Variants in SYK observed in about 807,000 individuals in gnomAD.
SYK encodes spleen associated tyrosine kinase, also known as tyrosine-protein kinase SYK.
SYK carries 16 observed loss-of-function variants against 77.8 expected under a neutral mutation model. The observed-to-expected ratio is 0.21, with a 90% confidence interval of 0.14 to 0.31. SYK has a LOEUF of 0.31. SYK is among the 10% of genes least tolerant of loss of function. SYK has a pLI of 1.00. For synonymous variants in SYK, 312 were observed against 308.7 expected, an observed-to-expected ratio of 1.01 and a Z score of -0.11; for missense variants, 529 against 814.4, an observed-to-expected ratio of 0.65 and a Z score of 4.26.
intron 1 of SYK, among the ~76,000 whole-genome samples, chr9:90,829,976 G>A (rs1291196768): frequency 6.6e-6 from 1 of 152,188 alleles, no homozygotes; most frequent in Non-Finnish European, 1.5e-5. Flanking sequence ...AAGTTCTGAA[G>A]GCACAGCAAG....
chr9:90,849,477 A>T (rs1826734278), intron 3 of SYK, among the ~76,000 whole-genome samples: 1 of 152,130 alleles, frequency 6.6e-6, no homozygotes, highest in African/African-American at 2.4e-5. Flanking sequence ...CCACTTCCTG[A>T]CATGTAGTAA....
rs1180450887 is a variant in SYK, at chr9:90,898,498, T to C, written c.*2898T>C. 1 of 215,054 alleles carries C rather than the reference T, an allele frequency of 4.6e-6. No individual in the cohort carries two copies. Among genetic ancestry groups the C allele is most frequent in the African/African-American group, 2.3e-5 (1 of 44,306 alleles). 13.3% of individuals were successfully genotyped at this position (215,054 alleles called of 1,614,324 possible). On this transcript the variant is annotated 3_prime_UTR_variant, in exon 14 of 14. Coordinates refer to ENST00000375754, the MANE Select transcript of SYK (RefSeq NM_003177.7). Reference sequence around the variant, plus strand: ...CATTCATTTCAGAAGAGCTACATTGTGTCACTGGACATTTTTAAAAACTGT... The same window carrying C: ...CATTCATTTCAGAAGAGCTACATTGCGTCACTGGACATTTTTAAAAACTGT...
chr9:90,870,140 CATACTT>C (rs1827674120), intron 7 of SYK, among the ~76,000 whole-genome samples: 1 of 152,106 alleles, frequency 6.6e-6, no homozygotes, highest in Non-Finnish European at 1.5e-5. Context: ...AAATTAGTAA[CATACTT>C]ATAAAGTATA....
chr9:90,801,710 G>C (rs2562397), upstream of SYK: 61,739 of 151,704 alleles, frequency 0.41, 13,548 homozygotes, highest in East Asian at 0.6. Context: ...CAGCAGGGCG[G>C]GCCAGGGCGG....
intron 1 of SYK, among the ~76,000 whole-genome samples, chr9:90,821,294 T>C (rs989492556): frequency 1.3e-5 from 2 of 152,202 alleles, no homozygotes; most frequent in Admixed American, 6.5e-5. Context: ...CCCACTCTTC[T>C]GGTACCAATT....
chr9:90,844,192 C>G lies in SYK; in HGVS notation c.294C>G (p.Gly98=). The change falls in exon 2 of 14, where the codon GGC becomes GGG. Residue 98 remains glycine (G), a synonymous_variant. Transcript: ENST00000375754. ...ACTACCACTCCCAGGAGTCTGATGG[C>G]CTGGTCTGCCTCCTCAAGAAGCCCT... ...LCHYHSQESD[G]LVCLLKKPFN... The G allele has an allele frequency of 6.2e-7, 1 of 1,614,246 alleles. No individual in the cohort carries two copies. Among genetic ancestry groups the G allele is most frequent in the Non-Finnish European group, 8.5e-7 (1 of 1,180,036 alleles).
intron 1 of SYK, among the ~76,000 whole-genome samples, chr9:90,811,956 C>A (rs1205052960): frequency 4.2e-5 from 6 of 143,936 alleles, no homozygotes; most frequent in South Asian, 2.2e-4. Flanking sequence ...AAAAAAAAAA[C>A]CTAAAAATCT....
chr9:90,830,041 A>G (rs567942306), intron 1 of SYK, among the ~76,000 whole-genome samples: 6 of 152,230 alleles, frequency 3.9e-5, no homozygotes, highest in Non-Finnish European at 8.8e-5. Context: ...ATATCCCTCT[A>G]TTTCTAAACA....
intron 1 of SYK, among the ~76,000 whole-genome samples, chr9:90,803,577 A>G (rs1824693655): frequency 6.6e-6 from 1 of 151,948 alleles, no homozygotes; most frequent in Non-Finnish European, 1.5e-5. Context: ...AATCACCCTG[A>G]TCTTTGTTAG....
At chr9:90,829,558 G>T (rs1168558995) in intron 1 of SYK, among the ~76,000 whole-genome samples, 1 of 152,160 alleles carries the variant, frequency 6.6e-6, no homozygotes, top group African/African-American at 2.4e-5. Flanking sequence ...TGGAAATCAC[G>T]CAGTCCCCAG....
intron 1 of SYK, among the ~76,000 whole-genome samples, chr9:90,812,123 TGG>T: frequency 6.7e-6 from 1 of 149,664 alleles, no homozygotes; most frequent in Non-Finnish European, 1.5e-5. Flanking sequence ...ACAGCAGCTT[TGG>T]GGGGAGGGGA....
chr9:90,857,744 A>G (rs1434376065), intron 3 of SYK, among the ~76,000 whole-genome samples: 1 of 152,166 alleles, frequency 6.6e-6, no homozygotes, highest in Non-Finnish European at 1.5e-5. Context: ...TCTTTGAGAA[A>G]CCACTGTTGG....
chr9:90,834,762 G>T (rs1372819938), intron 1 of SYK, among the ~76,000 whole-genome samples: 1 of 152,132 alleles, frequency 6.6e-6, no homozygotes, highest in Non-Finnish European at 1.5e-5. Context: ...CTTCTTTTCT[G>T]TAGTTCATCA....
At chr9:90,836,303 A>T (rs1025846901) in intron 1 of SYK, among the ~76,000 whole-genome samples, 3 of 148,654 alleles carry the variant, frequency 2.0e-5, no homozygotes, top group Admixed American at 1.3e-4. Context: ...AAAAAAAAAA[A>T]GTTAAGAAAA....
intron 3 of SYK, among the ~76,000 whole-genome samples, chr9:90,849,444 A>G (rs1021722188): frequency 2.6e-5 from 4 of 152,052 alleles, no homozygotes; most frequent in Non-Finnish European, 5.9e-5. Flanking sequence ...TCCATTCTCC[A>G]TCTCCCAGCT....
In SYK at chr9:90,896,518, C is replaced by G. The variant is rs1828994305; in HGVS notation, c.*918C>G. 4 of 232,210 alleles carry G rather than the reference C, an allele frequency of 1.7e-5. No homozygotes were observed. The East Asian group carries it at 2.4e-4, about 14-fold the overall frequency. 14.4% of individuals were successfully genotyped at this position (232,210 alleles called of 1,614,324 possible). ...TGCCGCCAGAATCCCCTGTCGCTTT[C>G]TGTGTCTGCAATGGGGGGCAGCACA... On this transcript the variant is annotated 3_prime_UTR_variant, in exon 14 of 14. Transcript: ENST00000375754.
At chr9:90,828,235 G>GCC (rs60327886) in intron 1 of SYK, among the ~76,000 whole-genome samples, 2,008 of 55,256 alleles carry the variant, frequency 0.036, 68 homozygotes, top group East Asian at 0.055. Flanking sequence ...CCTCACCCCC[G>GCC]CCCCCCCCCC....
At chr9:90,870,056 G>A (rs528782971) in intron 7 of SYK, among the ~76,000 whole-genome samples, 7 of 152,208 alleles carry the variant, frequency 4.6e-5, no homozygotes, top group East Asian at 1.9e-4. Flanking sequence ...TGCAGAGATC[G>A]TGCCATTGCC....
In SYK at chr9:90,844,231, A is replaced by C; in HGVS notation, c.333A>C (p.Gln111His). The C allele has an allele frequency of 6.2e-7, 1 of 1,614,178 alleles. No individual in the cohort carries two copies. Among genetic ancestry groups the C allele is most frequent in the Non-Finnish European group, 8.5e-7 (1 of 1,180,004 alleles). ...CLLKKPFNRPQGVQPKTGPFE... is the reference protein window; with the variant it reads ...CLLKKPFNRPHGVQPKTGPFE... ...TCAAGAAGCCCTTCAACCGGCCCCA[A>C]GGGGTGCAGCCCAAGACTGGGCCCT... Residue 111 changes from glutamine to histidine, a missense_variant, in exon 2 of 14, where the codon CAA becomes CAC. This residue lies in a region of SYK where 321 missense variants were observed against 433.1 expected (regional missense o/e 0.74). Transcript: ENST00000375754.
Sources: gnomAD v4.1 joint callset for allele counts (sites outside exome capture counted in the v4.1 genomes callset) on GRCh38, gnomAD v4.1.1 for gene constraint, gnomAD v4.1.1 regional missense constraint, MANE v1.5 for transcripts, NCBI Gene and HGNC (gene_info 2026-07-23, HGNC 2026-07-21) for gene names.